The following COLQ variants were observed in gnomAD, a reference collection of about 807,000 sequenced individuals.
The protein encoded by COLQ is acetylcholinesterase collagenic tail peptide.
COLQ carries 48 observed loss-of-function variants against 69.0 expected under a neutral mutation model. The ratio of observed to expected loss-of-function variants is 0.70; its 90% CI spans 0.55 to 0.88. The LOEUF is 0.88. Ranked by LOEUF, COLQ falls within the 40% of genes least tolerant of loss-of-function variation. COLQ has a pLI of 0.00. For synonymous variants in COLQ, 217 were observed against 211.2 expected (o/e 1.03, Z -0.24); for missense variants, 618 against 594.6 (o/e 1.04, Z -0.41).
Position 15,483,616 on chromosome 3 carries a change from G to T in COLQ, c.322-4234C>A, listed in dbSNP as rs145822030. Among the ~76,000 whole-genome samples the T allele has an allele frequency of 7.2e-3, 1,099 of 152,300 alleles. 7 individuals carry two copies. The highest frequency in any genetic ancestry group is 0.014 in the Middle Eastern group (4 of 294). On this transcript the variant is annotated intron_variant, in intron 3 of 16. Coordinates refer to ENST00000383788, the MANE Select transcript of COLQ (RefSeq NM_005677.4). Reference sequence around the variant, plus strand: ...TTTCTGTTCTTTTACATTTGCTGACGAGTGCTTTACTTCCAACTATGTGGT... The same window carrying T: ...TTTCTGTTCTTTTACATTTGCTGACTAGTGCTTTACTTCCAACTATGTGGT...
intron 1 of COLQ, among the ~76,000 whole-genome samples, chr3:15,517,565 A>C (rs2063079271): frequency 1.3e-5 from 2 of 152,166 alleles, no homozygotes; most frequent in Non-Finnish European, 1.5e-5. Flanking sequence ...CAGACCCATA[A>C]GTGAGTCCAG....
At chr3:15,474,377 G>A (rs2062342710) in intron 8 of COLQ, 105 bp from the exon 9 acceptor site, 2 of 1,180,286 alleles carry the variant, frequency 1.7e-6, no homozygotes, top group Non-Finnish European at 2.5e-6. Flanking sequence ...CATTTTACAA[G>A]TGAAGAAATA....
intron 15 of COLQ, 174 bp from the exon 16 acceptor site, chr3:15,454,105 C>G (rs776084775): frequency 4.3e-5 from 27 of 629,264 alleles, no homozygotes; most frequent in Non-Finnish European, 6.9e-5. Flanking sequence ...TCTGGTCCCA[C>G]AGCGATGTGC....
At chr3:15,510,747 G>A (rs932547821) in intron 1 of COLQ, among the ~76,000 whole-genome samples, 3 of 138,484 alleles carry the variant, frequency 2.2e-5, no homozygotes, top group African/African-American at 8.1e-5. Context: ...GGAGGGGACA[G>A]GAGGGGAGGG....
intron 10 of COLQ, among the ~76,000 whole-genome samples, chr3:15,472,320 C>A (rs1403965573): frequency 6.6e-6 from 1 of 152,104 alleles, no homozygotes; most frequent in Non-Finnish European, 1.5e-5. Flanking sequence ...TTAATCTATT[C>A]TTTTAACCCA....
intron 5 of COLQ, 39 bp downstream of exon 5, chr3:15,478,938 G>T: frequency 4.3e-6 from 7 of 1,613,994 alleles, no homozygotes; most frequent in Non-Finnish European, 5.9e-6. Context: ...ATGAAGCACA[G>T]ACGCTCATGT....
chr3:15,466,506 C>T (rs2062203199), intron 11 of COLQ, 69 bp from the exon 12 acceptor site: 5 of 1,330,172 alleles, frequency 3.8e-6, no homozygotes, highest in Non-Finnish European at 5.4e-6. Context: ...CATTTATCAC[C>T]AAATCAGAGA....
At chr3:15,495,436 A>G (rs767106850) in intron 1 of COLQ, among the ~76,000 whole-genome samples, 3 of 152,234 alleles carry the variant, frequency 2.0e-5, no homozygotes, top group Non-Finnish European at 4.4e-5. Context: ...AAGAGAGTGG[A>G]GCAAGACCAA....
intron 15 of COLQ, among the ~76,000 whole-genome samples, chr3:15,454,639 T>C (rs114450536): frequency 0.013 from 1,808 of 142,456 alleles, 41 homozygotes; most frequent in African/African-American, 0.045. Flanking sequence ...CCTGTCATCC[T>C]TCCCCTGAAC....
In COLQ at chr3:15,479,397, TA is replaced by T. The variant is rs772475794; in HGVS notation, c.322-16del. 28 of 1,613,800 alleles carry T rather than the reference TA, an allele frequency of 1.7e-5. No individual in the cohort carries two copies. The African/African-American group carries it at 3.7e-4, about 22-fold the overall frequency. ...CCCGGTGGACCCTAATCAATCAAGA[TA>T]AAAAGTGAAGAAAGTATATATCAGT... is the stretch of plus-strand genomic sequence containing the variant. On this transcript the variant is annotated splice_polypyrimidine_tract_variant and intron_variant, in intron 3 of 16. Coordinates refer to ENST00000383788, the MANE Select transcript of COLQ (RefSeq NM_005677.4).
At chr3:15,462,491 G>T (rs916881734) in intron 12 of COLQ, among the ~76,000 whole-genome samples, 1 of 151,506 alleles carries the variant, frequency 6.6e-6, no homozygotes, top group East Asian at 1.9e-4. Flanking sequence ...GGAATGGGGG[G>T]CGGGGGCATC....
chr3:15,491,290 G>C (rs1433238507), intron 1 of COLQ, among the ~76,000 whole-genome samples: 3 of 152,162 alleles, frequency 2.0e-5, no homozygotes, highest in Admixed American at 6.5e-5. Context: ...TGGTTTTTCA[G>C]TTCTCAGTTT....
chr3:15,488,855 C>T (rs918594761), intron 2 of COLQ, among the ~76,000 whole-genome samples: 1 of 152,192 alleles, frequency 6.6e-6, no homozygotes, highest in South Asian at 2.1e-4. Context: ...TTTACACTTA[C>T]AGCACACCTC....
At chr3:15,498,817 C>A in intron 1 of COLQ, 1 of 1,468,036 alleles carries the variant, frequency 6.8e-7, no homozygotes. Context: ...TGCCCATGAA[C>A]ACTGCTGTAG....
At chr3:15,481,494 T>A (rs2125126839) in intron 3 of COLQ, among the ~76,000 whole-genome samples, 1 of 152,352 alleles carries the variant, frequency 6.6e-6, no homozygotes. Context: ...TTCTTGCTTT[T>A]GTCAGGTTTG....
chr3:15,509,021 T>A (rs551770806), intron 1 of COLQ, among the ~76,000 whole-genome samples: 2 of 151,992 alleles, frequency 1.3e-5, no homozygotes, highest in African/African-American at 4.8e-5. Flanking sequence ...ATAATAACTA[T>A]AAGAAGAAGG....
intron 6 of COLQ, among the ~76,000 whole-genome samples, chr3:15,475,878 A>G (rs1041586412): frequency 6.6e-5 from 10 of 152,286 alleles, no homozygotes; most frequent in Middle Eastern, 3.4e-3. Context: ...TGCTCTTTGC[A>G]TAGGAAGGGT....
chr3:15,458,317 T>C lies in COLQ; in HGVS notation c.823A>G (p.Ile275Val), dbSNP rs773686063. Residue 275 changes from isoleucine (I) to valine (V), a missense_variant, in exon 13 of 17, where the codon ATA becomes GTA. Ile to Val is a conservative substitution (Grantham distance 29, BLOSUM62 3). Transcript: ENST00000383788. ...PPGPPPAGQL[I>V]MGPKGERGFP... is the part of the protein sequence containing the mutation. ...CCTCTTTCCCCTTTGGGTCCCATTA[T>C]AAGTTGTCCTAGGAAGCAACAGACT... 1.6e-5 allele frequency: 26 copies of C among 1,614,074 alleles called. No homozygotes were observed. Among genetic ancestry groups the C allele is most frequent in the Middle Eastern group, 1.6e-4 (1 of 6,062 alleles).
chr3:15,478,892 T>C (rs763606983), intron 5 of COLQ, 85 bp downstream of exon 5: 2 of 1,532,336 alleles, frequency 1.3e-6, no homozygotes, highest in South Asian at 2.2e-5. Flanking sequence ...TGAAGTGCAT[T>C]GCTGTTCCCC....
Sources: allele counts gnomAD v4.1 joint callset (sites outside exome capture counted in the v4.1 genomes callset), GRCh38; gene constraint gnomAD v4.1.1; transcripts MANE v1.5; gene names NCBI Gene and HGNC (gene_info 2026-07-23, HGNC 2026-07-21).